Variants in ZNF652 observed in about 807,000 individuals in gnomAD.
ZNF652 encodes the protein zinc finger protein 652.
Under a neutral mutation model 45.2 loss-of-function variants are expected in ZNF652, and 16 were observed. The ratio of observed to expected loss-of-function variants is 0.35; its 90% CI spans 0.24 to 0.54. The LOEUF (loss-of-function observed/expected upper bound fraction) is 0.54, where lower values mean the gene tolerates loss of function less well. Ranked by LOEUF, ZNF652 falls within the 20% of genes least tolerant of loss-of-function variation. The pLI, the probability that ZNF652 is intolerant of heterozygous loss-of-function variation, is 0.91. For missense variants in ZNF652, 614 were observed against 765.6 expected, an observed-to-expected ratio of 0.80 and a Z score of 2.34; for synonymous variants, 250 against 260.6, an observed-to-expected ratio of 0.96 and a Z score of 0.39.
intron 1 of ZNF652, among the ~76,000 whole-genome samples, chr17:49,349,082 T>C (rs759503378): frequency 6.6e-6 from 1 of 152,216 alleles, no homozygotes; most frequent in Non-Finnish European, 1.5e-5. Flanking sequence ...CTACTTCATA[T>C]TGCCAATTCC....
Position 49,290,551 on chromosome 17 carries a change from C to T in ZNF652, c.*7862G>A, listed in dbSNP as rs926203964. The stretch of plus-strand genomic sequence containing the variant: ...GAGTTCCCCCAGTGCTCTTGTTCCT[C>T]CTATAGATGTGATGGTGGTGGCCTG... On this transcript the variant is annotated 3_prime_UTR_variant, in exon 6 of 6. Coordinates refer to ENST00000430262, the MANE Select transcript of ZNF652 (RefSeq NM_001145365.3). 7 of 152,298 alleles carry T rather than the reference C, an allele frequency of 4.6e-5. No homozygotes were observed. Among genetic ancestry groups the T allele is most frequent in the African/African-American group, 2.4e-5 (1 of 41,456 alleles). The allele number at this position is 152,298 out of a possible 1,614,324, so 9.4% of individuals were successfully genotyped here.
chr17:49,298,971 T>C (rs766940259), intron 5 of ZNF652, 47 bp from the exon 6 acceptor site: 52 of 1,535,432 alleles, frequency 3.4e-5, no homozygotes, highest in Non-Finnish European at 4.4e-5. Flanking sequence ...TAGGTGGTAA[T>C]TGTGTGCTCA....
At chr17:49,358,404 G>A (rs1460827228) in intron 1 of ZNF652, among the ~76,000 whole-genome samples, 1 of 152,160 alleles carries the variant, frequency 6.6e-6, no homozygotes, top group Non-Finnish European at 1.5e-5. Flanking sequence ...TCACAACAAG[G>A]AGGTGTAGTT....
At chr17:49,352,665 C>T (rs1598318416) in intron 1 of ZNF652, among the ~76,000 whole-genome samples, 1 of 152,174 alleles carries the variant, frequency 6.6e-6, no homozygotes, top group Non-Finnish European at 1.5e-5. Flanking sequence ...CTTATATTCA[C>T]CCCAAAACCT....
chr17:49,298,565 G>A lies in ZNF652; in HGVS notation c.1669C>T (p.His557Tyr). The A allele has an allele frequency of 6.2e-7, 1 of 1,611,454 alleles. No individual in the cohort carries two copies. The highest frequency in any genetic ancestry group is 8.5e-7 in the Non-Finnish European group (1 of 1,178,966). The change falls in exon 6 of 6, where the codon CAC becomes TAC. Residue 557 changes from histidine (H) to tyrosine (Y), a missense_variant. Around this residue, in one of 5 missense-constraint regions of ZNF652, gnomAD observed 132 missense variants for 137.2 expected, o/e 0.96. Transcript: ENST00000430262. ...FSHLHIHPHP[H>Y]HPHHLPIPPV... The stretch of plus-strand genomic sequence containing the variant: ...GGGATGGGAAGGTGGTGTGGGTGGT[G>A]AGGGTGTGGGTGGATGTGCAGGTGT...
In ZNF652 at chr17:49,356,269, A is replaced by G. The variant is rs150054792; in HGVS notation, c.-259+5640T>C. ...GGCGAAATCCTGTCTCTACTAAAAA[A>G]TACAAAAATTAGCCAGGCACGGTGG... is the stretch of plus-strand genomic sequence containing the variant. On this transcript the variant is annotated intron_variant, in intron 1 of 5. Coordinates refer to ENST00000430262, the MANE Select transcript of ZNF652 (RefSeq NM_001145365.3). 9.1e-3 allele frequency among the ~76,000 whole-genome samples: 1,385 copies of G among 151,752 alleles called. 22 individuals are homozygous for G. The highest frequency in any genetic ancestry group is 0.032 in the African/African-American group (1,312 of 41,362).
At chr17:49,308,754 G>A (rs901902001) in intron 5 of ZNF652, among the ~76,000 whole-genome samples, 17 of 150,814 alleles carry the variant, frequency 1.1e-4, no homozygotes, top group Non-Finnish European at 2.1e-4. Flanking sequence ...ATGAGTGGAG[G>A]TCATACCACT....
intron 1 of ZNF652, among the ~76,000 whole-genome samples, chr17:49,337,462 A>C (rs554503762): frequency 3.2e-4 from 48 of 152,292 alleles, no homozygotes; most frequent in African/African-American, 1.1e-3. Flanking sequence ...TGGCAAACTG[A>C]TCCAGTGGAT....
At chr17:49,340,505 G>A (rs1255255856) in intron 1 of ZNF652, among the ~76,000 whole-genome samples, 2 of 134,582 alleles carry the variant, frequency 1.5e-5, no homozygotes, top group Non-Finnish European at 3.0e-5. Flanking sequence ...GCAGTGAACT[G>A]AGTCACTGCA....
chr17:49,319,450 T>C (rs2069857337), intron 1 of ZNF652, among the ~76,000 whole-genome samples: 1 of 151,632 alleles, frequency 6.6e-6, no homozygotes, highest in Non-Finnish European at 1.5e-5. Flanking sequence ...CTGGCCAACG[T>C]GGTGAAACCC....
At chr17:49,354,696 A>G (rs1015258894) in intron 1 of ZNF652, among the ~76,000 whole-genome samples, 1 of 151,698 alleles carries the variant, frequency 6.6e-6, no homozygotes, top group African/African-American at 2.4e-5. Flanking sequence ...AAACACCATT[A>G]CTATTCTGAA....
intron 1 of ZNF652, among the ~76,000 whole-genome samples, chr17:49,337,898 A>C (rs912602962): frequency 1.2e-4 from 18 of 152,212 alleles, no homozygotes; most frequent in Non-Finnish European, 1.5e-4. Context: ...TCTTTAAAAT[A>C]ATCATTGCAT....
intron 1 of ZNF652, among the ~76,000 whole-genome samples, chr17:49,357,829 C>T (rs2070353512): frequency 6.6e-6 from 1 of 152,118 alleles, no homozygotes; most frequent in African/African-American, 2.4e-5. Context: ...TTTTACTGTC[C>T]CCACCAAGTT....
chr17:49,311,072 T>C (rs2069704583), intron 5 of ZNF652, among the ~76,000 whole-genome samples: 1 of 152,196 alleles, frequency 6.6e-6, no homozygotes, highest in South Asian at 2.1e-4. Context: ...AAGACCCCAT[T>C]GTCTTAAAAG....
At chr17:49,335,127 T>C (rs1353677901) in intron 1 of ZNF652, among the ~76,000 whole-genome samples, 2 of 152,180 alleles carry the variant, frequency 1.3e-5, no homozygotes, top group Admixed American at 6.5e-5. Context: ...GTAAATGAAT[T>C]ATATTTCAAT....
In ZNF652 at chr17:49,303,245, A is replaced by ATTTTTTTTTTTTT. The variant is rs1567914289; in HGVS notation, c.1310-4322_1310-4321insAAAAAAAAAAAAA. Among the ~76,000 whole-genome samples, 11 of 65,892 alleles carry ATTTTTTTTTTTTT rather than the reference A, an allele frequency of 1.7e-4. 1 individual carries two copies. The highest frequency in any genetic ancestry group is 1.7e-3 in the South Asian group (2 of 1,180). 43.2% of individuals were successfully genotyped at this position (65,892 alleles called of 152,430 possible). A position where few individuals can be genotyped will look rare whatever the true frequency, so the allele number is the denominator to read the frequency against. On this transcript the variant is annotated intron_variant, in intron 5 of 5. Transcript: ENST00000430262. ...GGGTGATGTTTTATTCTTTACGCTT[A>ATTTTTTTTTTTTT]TCTTTTTTTTTTTGAGACAGGGTCT...
chr17:49,300,666 T>C (rs993242975), intron 5 of ZNF652, among the ~76,000 whole-genome samples: 9 of 152,170 alleles, frequency 5.9e-5, no homozygotes, highest in Non-Finnish European at 1.0e-4. Flanking sequence ...GTCCTCCATA[T>C]CTATAGCTCG....
intron 5 of ZNF652, among the ~76,000 whole-genome samples, chr17:49,310,630 G>C (rs1429155811): frequency 6.6e-6 from 1 of 152,192 alleles, no homozygotes; most frequent in Non-Finnish European, 1.5e-5. Context: ...GGCTGGGCTT[G>C]GTGGCTCACA....
intron 1 of ZNF652, among the ~76,000 whole-genome samples, chr17:49,327,690 A>G (rs2069969706): frequency 7.1e-6 from 1 of 141,622 alleles, no homozygotes; most frequent in Admixed American, 7.3e-5. Flanking sequence ...GAGTAACCTG[A>G]GCAACATAAT....
Sources: allele counts gnomAD v4.1 joint callset (sites outside exome capture counted in the v4.1 genomes callset), GRCh38; gene constraint gnomAD v4.1.1; regional missense constraint gnomAD v4.1.1; transcripts MANE v1.5; gene names NCBI Gene and HGNC (gene_info 2026-07-23, HGNC 2026-07-21).